Variants in DCAF8L2 observed in about 807,000 individuals in gnomAD.
DCAF8L2 encodes DDB1 and CUL4 associated factor 8 like 2.
For synonymous variants in DCAF8L2, 200 were observed against 190.9 expected, an observed-to-expected ratio of 1.05 and a Z score of -0.39; for missense variants, 430 against 490.7, an observed-to-expected ratio of 0.88 and a Z score of 1.17.
At chrX:27,578,894 CAA>C in the DCAF8L2 span, among the ~76,000 whole-genome samples, 40 of 91,017 alleles carry the variant, frequency 4.4e-4, no homozygotes, top group Admixed American at 5.9e-4. Flanking sequence ...ATTAAAATGT[CAA>C]AAAAAAAAAA....
chrX:27,544,681 A>G, the DCAF8L2 span, among the ~76,000 whole-genome samples: 11 of 112,472 alleles, frequency 9.8e-5, no homozygotes, highest in African/African-American at 3.5e-4. Flanking sequence ...CATGTTGGTC[A>G]TATAATCCAG....
the DCAF8L2 span, among the ~76,000 whole-genome samples, chrX:27,532,737 T>G: frequency 1.0e-5 from 1 of 95,797 alleles, no homozygotes; most frequent in East Asian, 3.2e-4. Context: ...TATTTATTTA[T>G]TTATTTATTT....
intron 1 of DCAF8L2, among the ~76,000 whole-genome samples, chrX:27,619,479 G>A (rs1927649880): frequency 9.0e-6 from 1 of 111,413 alleles, no homozygotes. Context: ...TGTGGGAACT[G>A]GGTAAACAGT....
intron 4 of DCAF8L2, among the ~76,000 whole-genome samples, chrX:27,720,415 G>A (rs963781677): frequency 2.7e-5 from 3 of 110,026 alleles, no homozygotes; most frequent in Non-Finnish European, 5.7e-5. Context: ...CGCCTAGGCC[G>A]GACTGCGGAC....
the DCAF8L2 span, chrX:27,518,951 A>C: frequency 3.4e-6 from 2 of 595,168 alleles, no homozygotes. Context: ...AAGGCACCTG[A>C]TTTTGTTTTT....
At chrX:27,601,678 C>T (rs1465772243) in intron 1 of DCAF8L2, among the ~76,000 whole-genome samples, 1 of 104,790 alleles carries the variant, frequency 9.5e-6, no homozygotes, top group Non-Finnish European at 2.0e-5. Flanking sequence ...CCAGCCTGGG[C>T]GACAGAGTGA....
intron 1 of DCAF8L2, among the ~76,000 whole-genome samples, chrX:27,596,236 C>G (rs1326978918): frequency 1.8e-5 from 2 of 111,603 alleles, no homozygotes; most frequent in Non-Finnish European, 1.9e-5. Flanking sequence ...TGATTTTACT[C>G]TCCAGAATTA....
At chrX:27,581,302 A>C in the DCAF8L2 span, among the ~76,000 whole-genome samples, 4 of 112,010 alleles carry the variant, frequency 3.6e-5, no homozygotes, top group African/African-American at 1.3e-4. Context: ...CAAAATTCTC[A>C]GTTTTACTTT....
chrX:27,550,285 G>C, the DCAF8L2 span, among the ~76,000 whole-genome samples: 2 of 112,008 alleles, frequency 1.8e-5, no homozygotes, highest in African/African-American at 6.5e-5. Context: ...GCACATGATA[G>C]TGAATGTTAT....
At chrX:27,590,582 G>A (rs925640643) in intron 1 of DCAF8L2, 142 bp downstream of exon 1, 2 of 111,205 alleles carry the variant, frequency 1.8e-5, no homozygotes, top group Non-Finnish European at 3.8e-5. Context: ...AGCGGAAATA[G>A]TCTTGTTTCT....
At chrX:27,525,693 T>C in the DCAF8L2 span, among the ~76,000 whole-genome samples, 1 of 111,840 alleles carries the variant, frequency 8.9e-6, no homozygotes, top group African/African-American at 3.3e-5. Flanking sequence ...TGTTTAGTGC[T>C]TCCTTCAGGA....
chrX:27,519,283 C>G, the DCAF8L2 span: 4 of 1,009,801 alleles, frequency 4.0e-6, no homozygotes, highest in Non-Finnish European at 5.6e-6. Context: ...AGAACTGGAT[C>G]AAGAATGAAA....
At chrX:27,492,856 A>T in the DCAF8L2 span, among the ~76,000 whole-genome samples, 4 of 112,309 alleles carry the variant, frequency 3.6e-5, no homozygotes, top group Non-Finnish European at 5.6e-5. Flanking sequence ...CCAGGTGAGT[A>T]TGAGAGTTCC....
the DCAF8L2 span, among the ~76,000 whole-genome samples, chrX:27,533,208 A>C: frequency 7.5e-5 from 4 of 53,219 alleles, no homozygotes; most frequent in South Asian, 1.4e-3. Flanking sequence ...GAAAGAAAGA[A>C]AGAAAGAAAG....
chrX:27,625,114 TC>T (rs1164644633), intron 1 of DCAF8L2, among the ~76,000 whole-genome samples: 2 of 111,437 alleles, frequency 1.8e-5, no homozygotes, highest in African/African-American at 6.5e-5. Flanking sequence ...AGGTCTAATA[TC>T]CAGAATCTCT....
chrX:27,687,126 C>T (rs1930539825), intron 3 of DCAF8L2, among the ~76,000 whole-genome samples: 1 of 111,693 alleles, frequency 9.0e-6, no homozygotes, highest in African/African-American at 3.3e-5. Flanking sequence ...CCCCAAATAC[C>T]CTGACTTGAT....
chrX:27,701,985 GAGA>G (rs1451330728), intron 3 of DCAF8L2, among the ~76,000 whole-genome samples: 3 of 110,893 alleles, frequency 2.7e-5, no homozygotes, highest in Non-Finnish European at 5.7e-5. Flanking sequence ...ATCAAGAAAA[GAGA>G]AGACTTGTCT....
At chrX:27,488,746 T>C in the DCAF8L2 span, among the ~76,000 whole-genome samples, 3 of 110,954 alleles carry the variant, frequency 2.7e-5, no homozygotes, top group African/African-American at 9.8e-5. Context: ...AGCCACCATC[T>C]CCCAGGTTCG....
the DCAF8L2 span, among the ~76,000 whole-genome samples, chrX:27,494,149 A>G: frequency 2.7e-5 from 3 of 111,565 alleles, no homozygotes; most frequent in Non-Finnish European, 1.9e-5. Context: ...GGCTCATGCC[A>G]GTAATCTCAG....
Sources: gnomAD v4.1 joint callset for allele counts (sites outside exome capture counted in the v4.1 genomes callset) on GRCh38, gnomAD v4.1.1 for gene constraint, MANE v1.5 for transcripts, NCBI Gene and HGNC (gene_info 2026-07-23, HGNC 2026-07-21) for gene names.